SPIDR: variants seen among roughly 807,000 people sequenced by gnomAD.
SPIDR encodes the protein scaffold protein involved in DNA repair, also known as DNA repair-scaffolding protein.
Under a neutral mutation model 104.6 loss-of-function variants are expected in SPIDR, and 93 were observed. That is an observed-to-expected ratio of 0.89 (90% CI 0.75 to 1.06). The LOEUF is 1.06. Ranked by LOEUF, SPIDR falls within the 50% of genes least tolerant of loss-of-function variation. The pLI, the probability that SPIDR is intolerant of heterozygous loss-of-function variation, is 0.00. For synonymous variants in SPIDR, 431 were observed against 416.9 expected, an observed-to-expected ratio of 1.03 and a Z score of -0.41; for missense variants, 1,154 against 1,111.2, an observed-to-expected ratio of 1.04 and a Z score of -0.55.
intron 10 of SPIDR, among the ~76,000 whole-genome samples, chr8:47,647,962 G>A (rs749290679): frequency 2.6e-5 from 4 of 152,188 alleles, no homozygotes; most frequent in African/African-American, 4.8e-5. Flanking sequence ...GGTCAGAGAG[G>A]TAGAAAGGGT....
rs769484413 is a variant in SPIDR, at chr8:47,567,223, A to T, written c.1098-28588A>T. 6.3e-3 allele frequency among the ~76,000 whole-genome samples: 930 copies of T among 147,684 alleles called. 13 individuals are homozygous for T. Among genetic ancestry groups the T allele is most frequent in the African/African-American group, 0.016 (632 of 40,002 alleles). On this transcript the variant is annotated intron_variant, in intron 8 of 19. Transcript: ENST00000297423. ...TTTGGAGGATAAACTATATATATAT[A>T]TATATTTTTTTTCTTTTTTTAGTTT...
chr8:47,555,032 T>G (rs911460372), intron 8 of SPIDR, among the ~76,000 whole-genome samples: 1 of 152,224 alleles, frequency 6.6e-6, no homozygotes, highest in African/African-American at 2.4e-5. Flanking sequence ...AATCTTAGTC[T>G]TGATCTAACC....
At chr8:47,422,627 G>C (rs1246875259) in intron 7 of SPIDR, among the ~76,000 whole-genome samples, 1 of 152,206 alleles carries the variant, frequency 6.6e-6, no homozygotes, top group Non-Finnish European at 1.5e-5. Flanking sequence ...TGCACCCACT[G>C]TCTGACCATC....
At chr8:47,279,251 T>G (rs1249968535) in intron 1 of SPIDR, 4 of 152,706 alleles carry the variant, frequency 2.6e-5, no homozygotes, top group African/African-American at 9.7e-5. Context: ...ATATGGCCAC[T>G]TGTGTATTTG....
chr8:47,337,203 C>T (rs894187223), intron 5 of SPIDR, among the ~76,000 whole-genome samples: 15 of 152,094 alleles, frequency 9.9e-5, no homozygotes, highest in African/African-American at 3.1e-4. Context: ...TGATAACTTA[C>T]GACAGCCTCG....
chr8:47,540,415 A>T (rs2087860826), intron 8 of SPIDR, among the ~76,000 whole-genome samples: 1 of 152,202 alleles, frequency 6.6e-6, no homozygotes, highest in Non-Finnish European at 1.5e-5. Flanking sequence ...CTACAGGATG[A>T]TATTTTTTGA....
intron 16 of SPIDR, among the ~76,000 whole-genome samples, chr8:47,721,565 G>A (rs1204854104): frequency 3.3e-5 from 5 of 151,700 alleles, no homozygotes; most frequent in African/African-American, 1.2e-4. Context: ...TCCGCCTCCC[G>A]GGTTCACGCC....
intron 8 of SPIDR, among the ~76,000 whole-genome samples, chr8:47,561,385 A>T (rs1393519154): frequency 6.6e-6 from 1 of 152,092 alleles, no homozygotes; most frequent in African/African-American, 2.4e-5. Context: ...CTTCCTCTGA[A>T]CTGTGTCCCC....
intron 11 of SPIDR, among the ~76,000 whole-genome samples, chr8:47,679,291 T>C (rs1205627588): frequency 1.3e-5 from 2 of 152,240 alleles, no homozygotes; most frequent in Non-Finnish European, 2.9e-5. Flanking sequence ...ATGCCATTCA[T>C]ATGAGGAGCC....
At chr8:47,430,508 G>C (rs1391118810) in intron 7 of SPIDR, among the ~76,000 whole-genome samples, 3 of 146,464 alleles carry the variant, frequency 2.0e-5, no homozygotes. Context: ...GCTGGACTCT[G>C]TCAGTTCATT....
chr8:47,591,023 A>C (rs1303196228), intron 8 of SPIDR, among the ~76,000 whole-genome samples: 1 of 151,826 alleles, frequency 6.6e-6, no homozygotes, highest in Non-Finnish European at 1.5e-5. Context: ...CTTTCATCCT[A>C]CCTATATGTC....
At chr8:47,496,798 C>T (rs2079529655) in intron 8 of SPIDR, among the ~76,000 whole-genome samples, 1 of 133,672 alleles carries the variant, frequency 7.5e-6, no homozygotes, top group African/African-American at 3.3e-5. Flanking sequence ...ACCACTGAAA[C>T]TATCTGGGCC....
intron 5 of SPIDR, among the ~76,000 whole-genome samples, chr8:47,351,829 A>T (rs1324754158): frequency 6.6e-6 from 1 of 152,234 alleles, no homozygotes. Context: ...CAAATACTAC[A>T]TCATTTTAGA....
chr8:47,269,254 G>A (rs894834679), intron 1 of SPIDR, among the ~76,000 whole-genome samples: 31 of 148,828 alleles, frequency 2.1e-4, no homozygotes, highest in African/African-American at 7.7e-4. Flanking sequence ...GCAACAGAGT[G>A]AGACCATCTT....
At chr8:47,569,756 C>T (rs970625253) in intron 8 of SPIDR, among the ~76,000 whole-genome samples, 3 of 152,006 alleles carry the variant, frequency 2.0e-5, no homozygotes, top group African/African-American at 7.2e-5. Flanking sequence ...AAGGAATTCA[C>T]TAAAAAGAAC....
intron 1 of SPIDR, among the ~76,000 whole-genome samples, chr8:47,266,363 T>C (rs1329612270): frequency 2.0e-5 from 3 of 152,072 alleles, no homozygotes; most frequent in Non-Finnish European, 4.4e-5. Context: ...ACTCCTGAGC[T>C]CAGGCAATGC....
intron 10 of SPIDR, among the ~76,000 whole-genome samples, chr8:47,606,523 C>G (rs2062973620): frequency 6.6e-6 from 1 of 151,988 alleles, no homozygotes; most frequent in Non-Finnish European, 1.5e-5. Flanking sequence ...GAGACTCCAT[C>G]TCAAAAAAAC....
intron 8 of SPIDR, among the ~76,000 whole-genome samples, chr8:47,491,061 T>C (rs1446519034): frequency 6.6e-6 from 1 of 152,148 alleles, no homozygotes; most frequent in Non-Finnish European, 1.5e-5. Flanking sequence ...TAGCCAAAAC[T>C]TGTAACTACA....
At chr8:47,501,528 T>C (rs2080435755) in intron 8 of SPIDR, among the ~76,000 whole-genome samples, 1 of 152,188 alleles carries the variant, frequency 6.6e-6, no homozygotes, top group African/African-American at 2.4e-5. Flanking sequence ...GCCTGTCAGC[T>C]TAAGGAGATT....
Sources: allele counts gnomAD v4.1 joint callset (sites outside exome capture counted in the v4.1 genomes callset), GRCh38; gene constraint gnomAD v4.1.1; transcripts MANE v1.5; gene names NCBI Gene and HGNC (gene_info 2026-07-23, HGNC 2026-07-21).